The following CNTNAP5 variants were observed in gnomAD, a reference collection of about 807,000 sequenced individuals.
CNTNAP5 encodes the protein contactin-associated protein-like 5.
Under a neutral mutation model 150.2 loss-of-function variants are expected in CNTNAP5, and 72 were observed. The ratio of observed to expected loss-of-function variants is 0.48; its 90% CI spans 0.40 to 0.58. The LOEUF (loss-of-function observed/expected upper bound fraction) is 0.58, where lower values mean the gene tolerates loss of function less well. Among genes scored for constraint, CNTNAP5 ranks in the 20% least tolerant of loss-of-function variants. CNTNAP5 has a pLI of 0.00. For missense variants in CNTNAP5, 1,636 were observed against 1,626.2 expected (o/e 1.01, Z -0.10); for synonymous variants, 672 against 619.8 (o/e 1.08, Z -1.25).
At chr2:124,264,042 G>T (rs1687535526) in intron 3 of CNTNAP5, among the ~76,000 whole-genome samples, 2 of 152,030 alleles carry the variant, frequency 1.3e-5, no homozygotes, top group South Asian at 2.1e-4. Context: ...GCTGTTTTTG[G>T]TTACTGTAAT....
At chr2:124,843,960 G>C (rs1047344779) in intron 19 of CNTNAP5, among the ~76,000 whole-genome samples, 1 of 151,978 alleles carries the variant, frequency 6.6e-6, no homozygotes, top group Non-Finnish European at 1.5e-5. Context: ...TGGGTTTTCT[G>C]TTAACTCTGC....
At chr2:124,706,813 G>A (rs1180288433) in intron 13 of CNTNAP5, among the ~76,000 whole-genome samples, 107 of 13,262 alleles carry the variant, frequency 8.1e-3, no homozygotes, top group African/African-American at 0.02. Flanking sequence ...GGAGGAGGAG[G>A]AGGAGGAGGA....
At position 124,525,031 on chromosome 2, in the gene CNTNAP5, C is replaced by T. The variant is rs1694932427; in HGVS notation, c.1477+579C>T. 2.0e-5 allele frequency among the ~76,000 whole-genome samples: 3 copies of T among 152,124 alleles called. No individual in the cohort carries two copies. The South Asian group carries it at 6.2e-4, about 31-fold the overall frequency. On this transcript the variant is annotated intron_variant, in intron 9 of 23. Coordinates refer to ENST00000682447, the MANE Select transcript of CNTNAP5 (RefSeq NM_001367498.1). The stretch of plus-strand genomic sequence containing the variant: ...GCCAGTTCAGATTATTCACATTCTG[C>T]CTTCTCTGATGTTAAGTGAGTCCTG...
At chr2:124,342,516 T>C (rs1331780616) in intron 3 of CNTNAP5, among the ~76,000 whole-genome samples, 2 of 152,170 alleles carry the variant, frequency 1.3e-5, no homozygotes, top group Non-Finnish European at 2.9e-5. Context: ...CTTAAAATGG[T>C]CAGATTATAT....
At chr2:124,797,908 T>A (rs1681881046) in intron 18 of CNTNAP5, among the ~76,000 whole-genome samples, 188 bp from the exon 19 acceptor site, 1 of 152,140 alleles carries the variant, frequency 6.6e-6, no homozygotes, top group African/African-American at 2.4e-5. Context: ...GAGCATTAAG[T>A]TTTTCATTTG....
chr2:124,562,623 T>C (rs1404524650), intron 10 of CNTNAP5, among the ~76,000 whole-genome samples: 1 of 152,216 alleles, frequency 6.6e-6, no homozygotes, highest in East Asian at 1.9e-4. Flanking sequence ...TTTTTCAGAA[T>C]AGCCATGTTA....
intron 3 of CNTNAP5, among the ~76,000 whole-genome samples, chr2:124,345,837 C>T (rs989797652): frequency 3.9e-5 from 6 of 152,074 alleles, no homozygotes; most frequent in African/African-American, 1.4e-4. Context: ...CTCCCTCTTG[C>T]TTACATTTAC....
intron 21 of CNTNAP5, among the ~76,000 whole-genome samples, chr2:124,869,994 A>G (rs2104725559): frequency 6.6e-6 from 1 of 152,238 alleles, no homozygotes; most frequent in African/African-American, 2.4e-5. Context: ...TACTAAAATA[A>G]TTTAGCAGAA....
intron 3 of CNTNAP5, among the ~76,000 whole-genome samples, chr2:124,349,889 T>TC (rs1689833600): frequency 7.4e-6 from 1 of 134,348 alleles, no homozygotes; most frequent in Non-Finnish European, 1.6e-5. Flanking sequence ...TTTTTTTTTT[T>TC]TTTTTTTTTT....
chr2:124,205,898 A>G (rs1049371327), intron 1 of CNTNAP5, among the ~76,000 whole-genome samples: 1 of 152,128 alleles, frequency 6.6e-6, no homozygotes, highest in African/African-American at 2.4e-5. Context: ...TTAACTTCTT[A>G]TCTAAGATCT....
At chr2:124,079,486 CT>C (rs1682510535) in intron 1 of CNTNAP5, among the ~76,000 whole-genome samples, 2 of 146,126 alleles carry the variant, frequency 1.4e-5, no homozygotes, top group African/African-American at 5.1e-5. Flanking sequence ...GGGCTCTATC[CT>C]TTTTATCTAT....
intron 13 of CNTNAP5, among the ~76,000 whole-genome samples, chr2:124,743,344 G>A (rs770258232): frequency 7.9e-5 from 12 of 152,104 alleles, no homozygotes; most frequent in Non-Finnish European, 1.3e-4. Context: ...TGTGAGTCCC[G>A]CCTCCACAGC....
At chr2:124,647,636 C>T (rs1678230620) in intron 12 of CNTNAP5, 122 bp from the exon 13 acceptor site, 1 of 839,564 alleles carries the variant, frequency 1.2e-6, no homozygotes, top group Non-Finnish European at 1.8e-6. Context: ...CTGTCCTACT[C>T]TCCATACGGT....
In CNTNAP5 at chr2:124,025,641, C is replaced by T. The variant is rs1355240796; in HGVS notation, c.-10C>T. On this transcript the variant is annotated 5_prime_UTR_variant, in exon 1 of 24. Transcript: ENST00000682447. The stretch of plus-strand genomic sequence containing the variant: ...GGATTCGATTGGGAGGGACCGCTCA[C>T]TCGGGGGAAATGGATTCTTTACCAC... 1.9e-6 allele frequency: 3 copies of T among 1,613,586 alleles called. No homozygotes were observed. Among genetic ancestry groups the T allele is most frequent in the Non-Finnish European group, 2.5e-6 (3 of 1,179,748 alleles).
At chr2:124,459,566 G>A (rs967150161) in intron 6 of CNTNAP5, among the ~76,000 whole-genome samples, 14 of 151,790 alleles carry the variant, frequency 9.2e-5, no homozygotes, top group African/African-American at 3.1e-4. Flanking sequence ...CTGGCCAACA[G>A]CATGATGAAA....
intron 1 of CNTNAP5, among the ~76,000 whole-genome samples, chr2:124,037,572 A>G (rs962714407): frequency 6.6e-6 from 1 of 152,234 alleles, no homozygotes; most frequent in African/African-American, 2.4e-5. Flanking sequence ...CAAGTGAAAC[A>G]AGCCAGTCAC....
In CNTNAP5 at chr2:124,600,288, T is replaced by C. The variant is rs1367422414; in HGVS notation, c.1757-9513T>C. 2.0e-5 allele frequency among the ~76,000 whole-genome samples: 3 copies of C among 152,080 alleles called. No homozygotes were observed. The East Asian group carries it at 5.8e-4, about 29-fold the overall frequency. ...ATCTCCAAAACAGCAACTTCAGTGA[T>C]GGGGTGCTCATAGGAGACTGAAAAT... On this transcript the variant is annotated intron_variant, in intron 11 of 23. Transcript: ENST00000682447.
At chr2:124,138,980 G>A (rs1016078442) in intron 1 of CNTNAP5, among the ~76,000 whole-genome samples, 1 of 152,050 alleles carries the variant, frequency 6.6e-6, no homozygotes, top group Non-Finnish European at 1.5e-5. Flanking sequence ...TAGCCCTTCA[G>A]TACTCTACTA....
chr2:124,052,710 C>T (rs905637669), intron 1 of CNTNAP5, among the ~76,000 whole-genome samples: 15 of 152,282 alleles, frequency 9.9e-5, no homozygotes, highest in Non-Finnish European at 1.6e-4. Context: ...TACCTGTGCG[C>T]GTCTCTCCTC....
Sources: allele counts gnomAD v4.1 joint callset (sites outside exome capture counted in the v4.1 genomes callset), GRCh38; gene constraint gnomAD v4.1.1; transcripts MANE v1.5; gene names NCBI Gene and HGNC (gene_info 2026-07-23, HGNC 2026-07-21).